The following ASH1L variants were observed in gnomAD, a reference collection of about 807,000 sequenced individuals.
The protein encoded by ASH1L is histone-lysine N-methyltransferase ASH1L.
A neutral mutation model predicts 269.0 loss-of-function variants in ASH1L; 23 were observed. That is an observed-to-expected ratio of 0.09 (90% CI 0.06 to 0.12). ASH1L has a LOEUF of 0.12. Among genes scored for constraint, ASH1L ranks in the 10% least tolerant of loss-of-function variants. ASH1L has a pLI of 1.00. For missense variants in ASH1L, 2,912 were observed against 3,567.8 expected (o/e 0.82, Z 4.68); for synonymous variants, 1,187 against 1,253.5 (o/e 0.95, Z 1.12).
intron 5 of ASH1L, among the ~76,000 whole-genome samples, chr1:155,434,611 G>A (rs1459566867): frequency 4.6e-5 from 7 of 152,040 alleles, no homozygotes; most frequent in Admixed American, 1.3e-4. Context: ...CCAGCACTTC[G>A]GGAGGCCGAG....
intron 12 of ASH1L, among the ~76,000 whole-genome samples, chr1:155,369,931 G>T (rs1000780064): frequency 6.6e-6 from 1 of 151,914 alleles, no homozygotes; most frequent in African/African-American, 2.4e-5. Flanking sequence ...TACCATGAGT[G>T]GCTAATTTTT....
intron 1 of ASH1L, among the ~76,000 whole-genome samples, chr1:155,532,727 G>A (rs1669753445): frequency 6.6e-6 from 1 of 151,344 alleles, no homozygotes; most frequent in Admixed American, 6.6e-5. Context: ...GGAGGCTGAG[G>A]CAGAAGAATC....
chr1:155,342,230 A>T lies in ASH1L; in HGVS notation c.8294-128T>A, dbSNP rs554743468. 4 of 800,380 alleles carry T rather than the reference A, an allele frequency of 5.0e-6. No homozygotes were observed. The East Asian group carries it at 7.4e-5, about 15-fold the overall frequency. 49.6% of individuals were successfully genotyped at this position (800,380 alleles called of 1,614,324 possible). On this transcript the variant is annotated intron_variant, in intron 24 of 27. Transcript: ENST00000392403. Reference sequence around the variant, plus strand: ...AACCCTACATGGTAGCTATGTAGAGAGGCAGGACAACTAAGCATTTGGTAG... The same window carrying T: ...AACCCTACATGGTAGCTATGTAGAGTGGCAGGACAACTAAGCATTTGGTAG...
chr1:155,346,119 C>A, intron 21 of ASH1L: 1 of 1,329,374 alleles, frequency 7.5e-7, no homozygotes, highest in Non-Finnish European at 9.9e-7. Flanking sequence ...CAGGCATGAG[C>A]GACCGTGCCC....
Position 155,343,135 on chromosome 1 carries a change from T to A in ASH1L, c.8293+179A>T, listed in dbSNP as rs1652953189. ...CAGCAATCCTCCCAGTAGTTGGGAC[T>A]ACAGGCCTACACTGCCATGCCCAGC... On this transcript the variant is annotated intron_variant, in intron 24 of 27. Transcript: ENST00000392403. The surrounding 1 kb of genome is among the most constrained non-coding windows in gnomAD (Gnocchi z 6.1). 1.8e-5 allele frequency: 11 copies of A among 602,002 alleles called. No homozygotes were observed. In the Admixed American group the frequency reaches 2.3e-4, roughly 13 times the overall value. The allele number at this position is 602,002 out of a possible 1,614,324, so 37.3% of individuals were successfully genotyped here.
At chr1:155,397,443 G>A (rs1053313262) in intron 6 of ASH1L, among the ~76,000 whole-genome samples, 2 of 151,368 alleles carry the variant, frequency 1.3e-5, no homozygotes, top group African/African-American at 4.9e-5. Context: ...GTTGCAGTGA[G>A]CCGAGATTGT....
At chr1:155,424,814 CTTT>C (rs1166293798) in intron 5 of ASH1L, among the ~76,000 whole-genome samples, 1 of 151,970 alleles carries the variant, frequency 6.6e-6, no homozygotes, top group Non-Finnish European at 1.5e-5. Context: ...TAAATTTTAA[CTTT>C]TTATTTGAGA....
At position 155,479,933 on chromosome 1, in the gene ASH1L, C is replaced by A. The variant is rs745391588; in HGVS notation, c.2937G>T (p.Met979Ile). Residue 979 changes from methionine (M) to isoleucine (I), a missense_variant, in exon 3 of 28, where the codon ATG becomes ATT. Physicochemically the swap from Met to Ile is conservative, Grantham distance 10. This residue lies in a region of ASH1L where 715 missense variants were observed against 721.0 expected (regional missense o/e 0.99). Transcript: ENST00000392403. ...TATTTATTTTGCGGATAATTGTTTT[C>A]ATTAATTGTCCATTGTTTCTCTTGG... Reference protein sequence around the residue: ...KITKRNNGQLMKTIIRKINKM... With the variant: ...KITKRNNGQLIKTIIRKINKM... 14 of 1,613,416 alleles carry A rather than the reference C, an allele frequency of 8.7e-6. No homozygotes were observed. The highest frequency in any genetic ancestry group is 1.2e-5 in the Non-Finnish European group (14 of 1,179,762).
At position 155,489,970 on chromosome 1, in the gene ASH1L, A is replaced by C. The variant is rs538688816; in HGVS notation, c.421-7521T>G. ...GTTACACACTAGACAATGACATGTAAGACTTTTTTTTTTTTTGAGACGGAG... is the reference window on the plus strand; with the variant it reads ...GTTACACACTAGACAATGACATGTACGACTTTTTTTTTTTTTGAGACGGAG... On this transcript the variant is annotated intron_variant, in intron 2 of 27. Transcript: ENST00000392403. Among the ~76,000 whole-genome samples the C allele has an allele frequency of 4.0e-5, 6 of 151,420 alleles. No homozygotes were observed. The South Asian group carries it at 1.2e-3, about 31-fold the overall frequency.
Position 155,538,346 on chromosome 1 carries a change from T to TTTTG in ASH1L, c.-99-16732_-99-16729dup, listed in dbSNP as rs545244646. On this transcript the variant is annotated intron_variant, in intron 1 of 27. Coordinates refer to ENST00000392403, the MANE Select transcript of ASH1L (RefSeq NM_018489.3). The stretch of plus-strand genomic sequence containing the variant: ...GCATGAGCTATGGCACCTGGCGTTT[T>TTTTG]TTTGTTTGTTTGTTTGTTTGTTTGT... 1.9e-3 allele frequency among the ~76,000 whole-genome samples: 278 copies of TTTTG among 146,434 alleles called. 2 individuals carry two copies. Among genetic ancestry groups the TTTTG allele is most frequent in the African/African-American group, 5.2e-3 (206 of 39,528 alleles).
chr1:155,433,448 T>C (rs754417068), intron 5 of ASH1L: 7 of 1,610,386 alleles, frequency 4.3e-6, no homozygotes, highest in Non-Finnish European at 5.1e-6. Context: ...CCAAGGCGGC[T>C]TGGAGACCTC....
chr1:155,527,677 T>C (rs1669359034), intron 1 of ASH1L, among the ~76,000 whole-genome samples: 1 of 151,792 alleles, frequency 6.6e-6, no homozygotes, highest in Non-Finnish European at 1.5e-5. Flanking sequence ...CTATTCCAAG[T>C]AGCTAGAAAT....
intron 13 of ASH1L, 56 bp from the exon 14 acceptor site, chr1:155,357,805 CT>C (rs1654547671): frequency 2.7e-6 from 4 of 1,500,520 alleles, no homozygotes; most frequent in Non-Finnish European, 3.6e-6. Flanking sequence ...AGGGTCTTTC[CT>C]GTCACTCAGG....
intron 2 of ASH1L, among the ~76,000 whole-genome samples, chr1:155,501,603 G>T (rs747433423): frequency 6.6e-6 from 1 of 152,108 alleles, no homozygotes; most frequent in Non-Finnish European, 1.5e-5. Flanking sequence ...ACTCCTGACC[G>T]CGGGTGATCT....
intron 6 of ASH1L, among the ~76,000 whole-genome samples, chr1:155,405,958 G>C (rs987949037): frequency 2.6e-5 from 4 of 151,832 alleles, no homozygotes; most frequent in African/African-American, 9.7e-5. Flanking sequence ...AATCCCAGCG[G>C]TTTGGGAGGC....
chr1:155,538,641 CTTTTTTTT>C (rs35340905), intron 1 of ASH1L, among the ~76,000 whole-genome samples: 1 of 107,966 alleles, frequency 9.3e-6, no homozygotes, highest in Non-Finnish European at 1.8e-5. Context: ...TGTACCCAGC[CTTTTTTTT>C]TTTTTTTTTT....
intron 5 of ASH1L, among the ~76,000 whole-genome samples, chr1:155,436,292 A>AG (rs1471659773): frequency 5.3e-5 from 8 of 151,582 alleles, no homozygotes; most frequent in African/African-American, 1.7e-4. Flanking sequence ...CCCGTGTTCA[A>AG]GGGATTCTCC....
At chr1:155,496,424 G>A (rs1241846786) in intron 2 of ASH1L, among the ~76,000 whole-genome samples, 1 of 152,126 alleles carries the variant, frequency 6.6e-6, no homozygotes, top group South Asian at 2.1e-4. Context: ...CAAAGTAAAT[G>A]TAGCCATAAA....
At chr1:155,520,055 GA>G (rs1375591303) in intron 2 of ASH1L, among the ~76,000 whole-genome samples, 1 of 152,038 alleles carries the variant, frequency 6.6e-6, no homozygotes, top group Non-Finnish European at 1.5e-5. Flanking sequence ...AAAAGGTTTA[GA>G]AGTAAATTAT....
Sources: allele counts gnomAD v4.1 joint callset (sites outside exome capture counted in the v4.1 genomes callset), GRCh38; gene constraint gnomAD v4.1.1; regional missense constraint gnomAD v4.1.1; non-coding constraint Gnocchi (gnomAD v3.1); transcripts MANE v1.5; gene names NCBI Gene and HGNC (gene_info 2026-07-23, HGNC 2026-07-21).